HS3ST4: variants seen among roughly 807,000 people sequenced by gnomAD.
HS3ST4 encodes heparan sulfate glucosamine 3-O-sulfotransferase 4.
In HS3ST4, 17 loss-of-function variants were observed where a neutral mutation model predicts 29.2. That is an observed-to-expected ratio of 0.58 (90% CI 0.40 to 0.87). The LOEUF (loss-of-function observed/expected upper bound fraction) is 0.87, where lower values mean the gene tolerates loss of function less well. HS3ST4 is among the 40% of genes least tolerant of loss of function. The pLI is 0.00. For synonymous variants in HS3ST4, 314 were observed against 285.7 expected (o/e 1.10, Z -1.00); for missense variants, 627 against 634.5 (o/e 0.99, Z 0.13).
intron 1 of HS3ST4, among the ~76,000 whole-genome samples, chr16:25,889,566 T>A (rs1027649272): frequency 2.7e-4 from 41 of 152,220 alleles, no homozygotes; most frequent in African/African-American, 8.4e-4. Context: ...TTTTAGGGAT[T>A]CTTCATGCTG....
At chr16:25,972,507 G>A (rs56024830) in intron 1 of HS3ST4, among the ~76,000 whole-genome samples, 13,373 of 152,220 alleles carry the variant, frequency 0.088, 776 homozygotes, top group Non-Finnish European at 0.12. Flanking sequence ...AAGGGTCTCA[G>A]TTACTCCCAA....
At chr16:25,853,485 T>C (rs1484351307) in intron 1 of HS3ST4, among the ~76,000 whole-genome samples, 2 of 152,198 alleles carry the variant, frequency 1.3e-5, no homozygotes, top group Non-Finnish European at 2.9e-5. Context: ...TTCCTGATTT[T>C]GGAGGGAAGG....
intron 1 of HS3ST4, among the ~76,000 whole-genome samples, chr16:25,917,638 C>T (rs1179948165): frequency 6.6e-6 from 1 of 152,198 alleles, no homozygotes; most frequent in African/African-American, 2.4e-5. Flanking sequence ...TGTCTGGAGC[C>T]TTTCAGATGA....
At chr16:25,828,290 T>TTCCCTCTCTCTC (rs1967250788) in intron 1 of HS3ST4, among the ~76,000 whole-genome samples, 2 of 69,514 alleles carry the variant, frequency 2.9e-5, no homozygotes, top group African/African-American at 1.2e-4. Context: ...CTTTCTTTCT[T>TTCCCTCTCTCTC]TCTTTCTTTC....
intron 1 of HS3ST4, among the ~76,000 whole-genome samples, chr16:25,751,910 TA>T (rs1966723430): frequency 6.6e-6 from 1 of 152,182 alleles, no homozygotes; most frequent in African/African-American, 2.4e-5. Flanking sequence ...TACGTTGTTG[TA>T]CATTAGATTG....
chr16:25,810,680 A>G (rs566982940), intron 1 of HS3ST4, among the ~76,000 whole-genome samples: 2 of 152,244 alleles, frequency 1.3e-5, no homozygotes, highest in Non-Finnish European at 2.9e-5. Flanking sequence ...TGCAGTGCCT[A>G]GCATATAATA....
At chr16:25,830,126 A>C (rs750708943) in intron 1 of HS3ST4, among the ~76,000 whole-genome samples, 1 of 152,228 alleles carries the variant, frequency 6.6e-6, no homozygotes, top group Non-Finnish European at 1.5e-5. Context: ...CACCCAGCCT[A>C]AAATACATTA....
intron 1 of HS3ST4, among the ~76,000 whole-genome samples, chr16:25,821,819 A>AATT (rs1179076710): frequency 6.6e-6 from 1 of 152,098 alleles, no homozygotes; most frequent in Admixed American, 6.5e-5. Context: ...GAGGCAGAAG[A>AATT]ATTGCTAGAA....
chr16:25,702,800 A>G (rs192772075), intron 1 of HS3ST4, among the ~76,000 whole-genome samples: 67 of 152,154 alleles, frequency 4.4e-4, no homozygotes, highest in African/African-American at 1.5e-3. Flanking sequence ...ACTGCCTTAC[A>G]CCCCCAATTC....
At chr16:25,735,389 C>CTT (rs368919724) in intron 1 of HS3ST4, among the ~76,000 whole-genome samples, 3 of 145,388 alleles carry the variant, frequency 2.1e-5, no homozygotes, top group African/African-American at 7.5e-5. Flanking sequence ...TGTACTTTTT[C>CTT]TTTTTTTTTT....
intron 1 of HS3ST4, among the ~76,000 whole-genome samples, chr16:26,030,873 T>G (rs1969524913): frequency 6.6e-6 from 1 of 152,210 alleles, no homozygotes; most frequent in African/African-American, 2.4e-5. Flanking sequence ...AAGATAATAG[T>G]GCCTGTTTAA....
At chr16:25,851,213 A>G (rs1013077576) in intron 1 of HS3ST4, among the ~76,000 whole-genome samples, 30 of 152,182 alleles carry the variant, frequency 2.0e-4, no homozygotes, top group African/African-American at 6.8e-4. Context: ...TTGTTTTTCC[A>G]TGCAGATGGA....
intron 1 of HS3ST4, among the ~76,000 whole-genome samples, chr16:25,959,468 C>T (rs1026725114): frequency 6.6e-6 from 1 of 152,106 alleles, no homozygotes; most frequent in Non-Finnish European, 1.5e-5. Flanking sequence ...TTCTTGTGAA[C>T]CCCATAGGGG....
intron 1 of HS3ST4, among the ~76,000 whole-genome samples, chr16:25,845,366 G>C (rs1473444173): frequency 6.6e-6 from 1 of 151,984 alleles, no homozygotes; most frequent in African/African-American, 2.4e-5. Context: ...AAAATTATCT[G>C]GGCATGGTGA....
At chr16:25,897,612 A>G (rs1024507470) in intron 1 of HS3ST4, among the ~76,000 whole-genome samples, 2 of 152,040 alleles carry the variant, frequency 1.3e-5, no homozygotes, top group Admixed American at 1.3e-4. Context: ...CAGAACTGTG[A>G]TAAGGATTGA....
chr16:26,076,998 T>C (rs1429212944), intron 1 of HS3ST4, among the ~76,000 whole-genome samples: 1 of 152,214 alleles, frequency 6.6e-6, no homozygotes, highest in Non-Finnish European at 1.5e-5. Context: ...CAAAACTTTG[T>C]GATTCAGAAC....
intron 1 of HS3ST4, among the ~76,000 whole-genome samples, chr16:26,031,063 GGCGATGAGTATCTACAGA>G (rs1488760913): frequency 1.3e-5 from 2 of 152,218 alleles, no homozygotes; most frequent in African/African-American, 4.8e-5. Context: ...TACCTAGTGT[GGCGATGAGTATCTACAGA>G]GCAGACACTG....
At chr16:25,760,212 A>C (rs1966781142) in intron 1 of HS3ST4, among the ~76,000 whole-genome samples, 1 of 152,102 alleles carries the variant, frequency 6.6e-6, no homozygotes, top group Admixed American at 6.6e-5. Context: ...TAAAAAACAG[A>C]AATTAATTTT....
At chr16:25,855,848 C>T (rs1028382409) in intron 1 of HS3ST4, among the ~76,000 whole-genome samples, 1 of 151,986 alleles carries the variant, frequency 6.6e-6, no homozygotes, top group Admixed American at 6.6e-5. Flanking sequence ...GGCTTGACTG[C>T]CTGGGCTGAG....
Sources: allele counts gnomAD v4.1 joint callset (sites outside exome capture counted in the v4.1 genomes callset), GRCh38; gene constraint gnomAD v4.1.1; transcripts MANE v1.5; gene names NCBI Gene and HGNC (gene_info 2026-07-23, HGNC 2026-07-21).